Variants in TENM3 observed in about 807,000 individuals in gnomAD.
TENM3 encodes teneurin transmembrane protein 3, also known as teneurin-3.
TENM3 carries 63 observed loss-of-function variants against 255.1 expected under a neutral mutation model. That is an observed-to-expected ratio of 0.25 (90% confidence interval 0.20 to 0.30). The LOEUF (loss-of-function observed/expected upper bound fraction) is 0.30. TENM3 is among the 10% of genes least tolerant of loss of function. The pLI is 1.00. For synonymous variants in TENM3, 1,306 were observed against 1,322.3 expected (o/e 0.99, Z 0.27); for missense variants, 2,929 against 3,461.1 (o/e 0.85, Z 3.86).
the TENM3 span, among the ~76,000 whole-genome samples, chr4:182,061,915 C>A: frequency 6.6e-6 from 1 of 152,110 alleles, no homozygotes. Context: ...CATCATTGCA[C>A]CCCTGCACTC....
At chr4:181,562,550 C>T in the TENM3 span, among the ~76,000 whole-genome samples, 1 of 152,096 alleles carries the variant, frequency 6.6e-6, no homozygotes, top group African/African-American at 2.4e-5. Context: ...CATCATGTTG[C>T]TTCTCTATTT....
At chr4:182,280,602 T>C (rs1419218987) in intron 1 of TENM3, among the ~76,000 whole-genome samples, 2 of 152,180 alleles carry the variant, frequency 1.3e-5, no homozygotes, top group African/African-American at 4.8e-5. Flanking sequence ...CTCTTCCTGT[T>C]GCACATCAGA....
chr4:182,062,105 C>T, the TENM3 span, among the ~76,000 whole-genome samples: 1 of 152,118 alleles, frequency 6.6e-6, no homozygotes, highest in Admixed American at 6.5e-5. Flanking sequence ...TCACAAAATG[C>T]AAGTTAGCCT....
At chr4:182,158,339 G>T (rs1050135614) in intron 1 of TENM3, among the ~76,000 whole-genome samples, 1 of 152,206 alleles carries the variant, frequency 6.6e-6, no homozygotes, top group African/African-American at 2.4e-5. Flanking sequence ...TCTGCAGCCT[G>T]GGTTTGGCAG....
At chr4:182,663,814 T>C (rs1312864490) in intron 6 of TENM3, among the ~76,000 whole-genome samples, 1 of 152,142 alleles carries the variant, frequency 6.6e-6, no homozygotes, top group East Asian at 1.9e-4. Flanking sequence ...CTATCACATT[T>C]CTCATAAAAG....
At chr4:182,556,100 C>T (rs1742560420) in intron 3 of TENM3, among the ~76,000 whole-genome samples, 1 of 152,198 alleles carries the variant, frequency 6.6e-6, no homozygotes, top group East Asian at 1.9e-4. Context: ...CACTTCCCAG[C>T]CCTTTTCTTA....
At chr4:182,448,799 G>A (rs964877257) in intron 3 of TENM3, among the ~76,000 whole-genome samples, 1 of 151,924 alleles carries the variant, frequency 6.6e-6, no homozygotes, top group African/African-American at 2.4e-5. Context: ...TGTGTGGAGC[G>A]GGGCGAGGGG....
chr4:182,105,067 G>T, the TENM3 span, among the ~76,000 whole-genome samples: 2 of 152,086 alleles, frequency 1.3e-5, no homozygotes, highest in African/African-American at 4.8e-5. Flanking sequence ...TTAAAAATTA[G>T]CTGGGTATAG....
At chr4:182,595,205 T>G (rs1560977656) in intron 3 of TENM3, among the ~76,000 whole-genome samples, 1 of 152,176 alleles carries the variant, frequency 6.6e-6, no homozygotes. Flanking sequence ...TGCTGATTCA[T>G]AATAACAGAG....
At chr4:181,857,273 G>A in the TENM3 span, among the ~76,000 whole-genome samples, 2 of 151,528 alleles carry the variant, frequency 1.3e-5, no homozygotes, top group African/African-American at 2.4e-5. Flanking sequence ...AAGATCAAGG[G>A]CAGAGGTTTT....
chr4:181,734,237 C>T, the TENM3 span, among the ~76,000 whole-genome samples: 1 of 151,762 alleles, frequency 6.6e-6, no homozygotes, highest in Non-Finnish European at 1.5e-5. Flanking sequence ...GCTTTGAGGT[C>T]TTAGGTAACA....
chr4:181,944,706 C>T, the TENM3 span, among the ~76,000 whole-genome samples: 42 of 152,174 alleles, frequency 2.8e-4, no homozygotes, highest in East Asian at 7.7e-3. Flanking sequence ...TGGGCCACAC[C>T]GTGCCTCTCT....
chr4:182,259,619 A>G (rs907676643), intron 1 of TENM3, among the ~76,000 whole-genome samples: 1 of 152,074 alleles, frequency 6.6e-6, no homozygotes, highest in Non-Finnish European at 1.5e-5. Context: ...CCTATTTTTT[A>G]ACATTTTTTT....
At chr4:181,757,761 T>A in the TENM3 span, among the ~76,000 whole-genome samples, 138 of 152,284 alleles carry the variant, frequency 9.1e-4, no homozygotes, top group Middle Eastern at 6.8e-3. Context: ...ATGAGACCGA[T>A]GATTTAGAAG....
chr4:182,667,154 T>C (rs1016400643), intron 6 of TENM3, among the ~76,000 whole-genome samples: 1 of 150,208 alleles, frequency 6.7e-6, no homozygotes, highest in African/African-American at 2.5e-5. Flanking sequence ...CCAGTACTCA[T>C]TGAAATCAAA....
chr4:181,563,496 T>C, the TENM3 span, among the ~76,000 whole-genome samples: 41 of 152,200 alleles, frequency 2.7e-4, no homozygotes, highest in African/African-American at 9.9e-4. Context: ...ATATTGCTAT[T>C]GAACATCAGC....
chr4:182,122,581 C>T, the TENM3 span, among the ~76,000 whole-genome samples: 39 of 152,236 alleles, frequency 2.6e-4, no homozygotes, highest in African/African-American at 3.6e-4. Flanking sequence ...TAGGTCTCAA[C>T]GGTGGTCTTA....
chr4:181,942,026 A>G, the TENM3 span, among the ~76,000 whole-genome samples: 1 of 152,160 alleles, frequency 6.6e-6, no homozygotes, highest in Non-Finnish European at 1.5e-5. Context: ...AATTTCCACA[A>G]AAGAGGCAGC....
chr4:182,394,865 A>G (rs1580400873), intron 3 of TENM3, among the ~76,000 whole-genome samples: 1 of 152,208 alleles, frequency 6.6e-6, no homozygotes, highest in Non-Finnish European at 1.5e-5. Flanking sequence ...AAGTGATAGG[A>G]ATATTGGATA....
Sources: gnomAD v4.1 joint callset for allele counts (sites outside exome capture counted in the v4.1 genomes callset) on GRCh38, gnomAD v4.1.1 for gene constraint, MANE v1.5 for transcripts, NCBI Gene and HGNC (gene_info 2026-07-23, HGNC 2026-07-21) for gene names.